The following UXS1 variants were observed in gnomAD, a reference collection of about 807,000 sequenced individuals.
UXS1 encodes the protein UDP-glucuronic acid decarboxylase 1.
A neutral mutation model predicts 62.6 loss-of-function variants in UXS1; 33 were observed. The observed-to-expected ratio is 0.53, with a 90% CI of 0.40 to 0.70. The LOEUF is 0.70. Ranked by LOEUF, UXS1 falls within the 30% of genes least tolerant of loss-of-function variation. UXS1 has a pLI of 0.00. For synonymous variants in UXS1, 213 were observed against 206.8 expected (o/e 1.03, Z -0.26); for missense variants, 434 against 556.3 (o/e 0.78, Z 2.21).
chr2:106,194,137 C>G lies in UXS1; in HGVS notation c.94+11G>C. 1 of 1,469,590 alleles carries G rather than the reference C, an allele frequency of 6.8e-7. No individual in the cohort carries two copies. The highest frequency in any genetic ancestry group is 3.1e-5 in the East Asian group (1 of 32,432). The allele number at this position is 1,469,590 out of a possible 1,614,324, so 91.0% of individuals were successfully genotyped here. ...ATGGGGCTCCCCAGCTGGCAGCGGG[C>G]GCGCACTCACAGGCGACGTAGGCCA... is the stretch of plus-strand genomic sequence containing the variant. On this transcript the variant is annotated intron_variant, in intron 1 of 14. Transcript: ENST00000283148.
chr2:106,122,237 T>G (rs1283307859), intron 9 of UXS1, among the ~76,000 whole-genome samples: 1 of 152,226 alleles, frequency 6.6e-6, no homozygotes, highest in Non-Finnish European at 1.5e-5. Context: ...ATGTGAAAAT[T>G]CAGACCCAAG....
chr2:106,097,572 T>C lies in UXS1; in HGVS notation c.1043-751A>G. ...GCACGCCCCTCCCCCCAGCCTTAGG[T>C]TTCAAATAGTGTTTCTCAAGCGTCA... On this transcript the variant is annotated intron_variant, in intron 13 of 14. Transcript: ENST00000283148. The C allele has an allele frequency of 1.2e-5, 3 of 242,260 alleles. No homozygotes were observed. The South Asian group carries it at 1.8e-4, about 14-fold the overall frequency. The allele number at this position is 242,260 out of a possible 1,614,324, so 15.0% of individuals were successfully genotyped here.
chr2:106,152,255 C>G (rs1367644950), intron 5 of UXS1, among the ~76,000 whole-genome samples: 1 of 152,078 alleles, frequency 6.6e-6, no homozygotes, highest in African/African-American at 2.4e-5. Flanking sequence ...AGTTCAAGAC[C>G]AGCCTGGCCA....
chr2:106,178,708 C>T (rs1035542236), intron 1 of UXS1, among the ~76,000 whole-genome samples: 6 of 152,160 alleles, frequency 3.9e-5, no homozygotes, highest in Non-Finnish European at 5.9e-5. Context: ...CCATGGGGCA[C>T]ACCCTGCCCC....
intron 4 of UXS1, among the ~76,000 whole-genome samples, chr2:106,158,732 C>A (rs1440974467): frequency 6.6e-6 from 1 of 152,212 alleles, no homozygotes; most frequent in African/African-American, 2.4e-5. Flanking sequence ...GACCTGCCAA[C>A]TGCTTAGCTT....
At chr2:106,162,917 A>G (rs1047170280) in intron 4 of UXS1, among the ~76,000 whole-genome samples, 4 of 152,246 alleles carry the variant, frequency 2.6e-5, no homozygotes, top group Non-Finnish European at 5.9e-5. Flanking sequence ...GGCTCATTCA[A>G]TGCTGACACA....
At chr2:106,153,655 C>G (rs1558731593) in intron 5 of UXS1, among the ~76,000 whole-genome samples, 1 of 152,130 alleles carries the variant, frequency 6.6e-6, no homozygotes, top group Non-Finnish European at 1.5e-5. Flanking sequence ...AATTACAAGA[C>G]ATGCAAAGAA....
chr2:106,182,216 C>T (rs1404113714), intron 1 of UXS1, among the ~76,000 whole-genome samples: 1 of 152,110 alleles, frequency 6.6e-6, no homozygotes, highest in Non-Finnish European at 1.5e-5. Context: ...TGTCTTGGGC[C>T]ACATATAACG....
intron 9 of UXS1, among the ~76,000 whole-genome samples, chr2:106,121,434 A>C (rs1399251809): frequency 1.3e-5 from 2 of 152,216 alleles, no homozygotes; most frequent in African/African-American, 4.8e-5. Context: ...AAATACAATC[A>C]TAGGACTGAA....
At chr2:106,159,790 C>G (rs1682743229) in intron 4 of UXS1, among the ~76,000 whole-genome samples, 1 of 152,202 alleles carries the variant, frequency 6.6e-6, no homozygotes, top group African/African-American at 2.4e-5. Flanking sequence ...GGTCATTAGA[C>G]AGAAGCCCCT....
At chr2:106,177,006 A>G (rs940583110) in intron 1 of UXS1, among the ~76,000 whole-genome samples, 1 of 152,084 alleles carries the variant, frequency 6.6e-6, no homozygotes, top group Non-Finnish European at 1.5e-5. Context: ...AGGGGAAAAA[A>G]TTTTGCCCCA....
chr2:106,183,946 C>A (rs1456249231), intron 1 of UXS1: 2 of 152,272 alleles, frequency 1.3e-5, no homozygotes, highest in Admixed American at 6.5e-5. Flanking sequence ...AATCCCAGCA[C>A]TTTGGGAGGC....
At chr2:106,148,526 C>T (rs1681763069) in intron 5 of UXS1, among the ~76,000 whole-genome samples, 1 of 152,212 alleles carries the variant, frequency 6.6e-6, no homozygotes, top group Non-Finnish European at 1.5e-5. Context: ...TATTAAATTA[C>T]ACATGATCAT....
At chr2:106,128,764 C>T (rs756850021) in intron 7 of UXS1, among the ~76,000 whole-genome samples, 17 of 152,178 alleles carry the variant, frequency 1.1e-4, no homozygotes, top group Non-Finnish European at 1.2e-4. Flanking sequence ...TCTGTAGAAC[C>T]TTGACTAGTA....
chr2:106,096,705 T>G lies in UXS1; in HGVS notation c.1146+13A>C. The G allele has an allele frequency of 6.4e-7, 1 of 1,552,578 alleles. No individual in the cohort carries two copies. Among genetic ancestry groups the G allele is most frequent in the Non-Finnish European group, 8.7e-7 (1 of 1,147,040 alleles). On this transcript the variant is annotated intron_variant, in intron 14 of 14. Coordinates refer to ENST00000283148, the MANE Select transcript of UXS1 (RefSeq NM_001253875.2). ...CCCCTCCCCACAAGGCAGCATTAAC[T>G]CCCTGCACTTACCACGGGCTCCCAC...
chr2:106,163,027 CTAGA>C (rs996125517), intron 4 of UXS1, among the ~76,000 whole-genome samples: 2 of 152,158 alleles, frequency 1.3e-5, no homozygotes, highest in African/African-American at 4.8e-5. Context: ...AACTGCTACT[CTAGA>C]TAGTTTTCCA....
At chr2:106,150,598 G>T (rs573911429) in intron 5 of UXS1, among the ~76,000 whole-genome samples, 1 of 152,226 alleles carries the variant, frequency 6.6e-6, no homozygotes, top group Non-Finnish European at 1.5e-5. Flanking sequence ...TGGTGTCCAC[G>T]TGGTGCTCTA....
At chr2:106,122,912 A>T (rs1679634254) in intron 9 of UXS1, 58 bp downstream of exon 9, 1 of 1,597,890 alleles carries the variant, frequency 6.3e-7, no homozygotes, top group Admixed American at 1.7e-5. Flanking sequence ...AACACTTTAC[A>T]TCTGAGGTCA....
intron 6 of UXS1, among the ~76,000 whole-genome samples, chr2:106,144,185 T>A (rs1681372530): frequency 6.6e-6 from 1 of 152,216 alleles, no homozygotes; most frequent in South Asian, 2.1e-4. Context: ...GTGAGCCCAC[T>A]GAGCTATAAT....
Sources: allele counts gnomAD v4.1 joint callset (sites outside exome capture counted in the v4.1 genomes callset), GRCh38; gene constraint gnomAD v4.1.1; transcripts MANE v1.5; gene names NCBI Gene and HGNC (gene_info 2026-07-23, HGNC 2026-07-21).